ANKRD13D: variants seen among roughly 807,000 people sequenced by gnomAD.
The protein encoded by ANKRD13D is ankyrin repeat domain-containing protein 13D.
Under a neutral mutation model 68.8 loss-of-function variants are expected in ANKRD13D, and 24 were observed. The observed-to-expected ratio is 0.35, with a 90% CI of 0.25 to 0.49. The LOEUF (loss-of-function observed/expected upper bound fraction) is 0.49, where lower values mean the gene tolerates loss of function less well. Ranked by LOEUF, ANKRD13D falls within the 20% of genes least tolerant of loss-of-function variation. The probability of loss-of-function intolerance (pLI) is 0.99; values close to 1 mark genes in which losing one functional copy is unlikely to be tolerated. For missense variants in ANKRD13D, 735 were observed against 832.1 expected, an observed-to-expected ratio of 0.88 and a Z score of 1.44; for synonymous variants, 331 against 336.1, an observed-to-expected ratio of 0.98 and a Z score of 0.16.
rs1463543562 is a variant in ANKRD13D at position 67,301,867 on chromosome 11, C to G, written c.1604+44C>G. 2 of 1,537,380 alleles carry G rather than the reference C, an allele frequency of 1.3e-6. No homozygotes were observed. The highest frequency in any genetic ancestry group is 1.8e-6 in the Non-Finnish European group (2 of 1,139,608). ...TGGCTGGGTCCCTGTCCCCCCAGCC[C>G]TGGCTTGGCGGGGAGGGGGATAGCA... is the stretch of plus-strand genomic sequence containing the variant. On this transcript the variant is annotated intron_variant, in intron 14 of 14. Coordinates refer to ENST00000511455, the MANE Select transcript of ANKRD13D (RefSeq NM_207354.3). The surrounding 1 kb of genome is among the most constrained non-coding windows in gnomAD (Gnocchi z 4.5).
chr11:67,299,796 C>T lies in ANKRD13D; in HGVS notation c.881-31C>T, dbSNP rs1860904620. The T allele has an allele frequency of 1.3e-6, 2 of 1,533,892 alleles. No homozygotes were observed. The highest frequency in any genetic ancestry group is 1.4e-5 in the African/African-American group (1 of 72,448). On this transcript the variant is annotated intron_variant, in intron 8 of 14. Coordinates refer to ENST00000511455, the MANE Select transcript of ANKRD13D (RefSeq NM_207354.3). This position sits in a 1 kb window ranked among gnomAD's most constrained non-coding sequence, Gnocchi z 6.2. ...GGCAGGGGCGATGCGAGCATTGTGACCCCTTACCAGCTCCCACCCCTTCTC... is the reference window on the plus strand; with the variant it reads ...GGCAGGGGCGATGCGAGCATTGTGATCCCTTACCAGCTCCCACCCCTTCTC...
intron 6 of ANKRD13D, among the ~76,000 whole-genome samples, chr11:67,294,626 C>T (rs1388406754): frequency 2.6e-5 from 4 of 151,730 alleles, no homozygotes; most frequent in Admixed American, 6.6e-5. Context: ...CTGCAACCTC[C>T]ACCTCCTGGG....
intron 6 of ANKRD13D, among the ~76,000 whole-genome samples, chr11:67,294,740 A>G (rs749167372): frequency 7.2e-5 from 11 of 151,960 alleles, no homozygotes; most frequent in Admixed American, 1.3e-4. Context: ...GGATTTCACC[A>G]TGTCGGACCA....
intron 3 of ANKRD13D, 168 bp from the exon 4 acceptor site, chr11:67,291,308 A>C (rs1860530400): frequency 1.4e-6 from 1 of 725,122 alleles, no homozygotes; most frequent in South Asian, 1.9e-5. Context: ...CAGTGAGCCG[A>C]GATTGCACCA....
At chr11:67,298,894 C>A (rs568559913) in intron 6 of ANKRD13D, 164 bp from the exon 7 acceptor site, 30 of 689,610 alleles carry the variant, frequency 4.4e-5, no homozygotes, top group Non-Finnish European at 6.8e-5. Flanking sequence ...AGTGTCCCCC[C>A]CTGTCCAGGC....
Position 67,301,450 on chromosome 11 carries a change from C to T in ANKRD13D, c.1349-38C>T. ...CTGCACAGCTTTCTGGTCACCAAGC[C>T]CCGCGGGTTGAGCGTGGCCCCTCTG... On this transcript the variant is annotated intron_variant, in intron 12 of 14. Transcript: ENST00000511455. This position sits in a 1 kb window ranked among gnomAD's most constrained non-coding sequence, Gnocchi z 4.5. The T allele has an allele frequency of 1.3e-5, 21 of 1,607,868 alleles. No homozygotes were observed. Among genetic ancestry groups the T allele is most frequent in the Non-Finnish European group, 1.8e-5 (21 of 1,176,412 alleles).
At chr11:67,297,719 G>A (rs1860813488) in intron 6 of ANKRD13D, among the ~76,000 whole-genome samples, 1 of 150,488 alleles carries the variant, frequency 6.6e-6, no homozygotes. Flanking sequence ...TGGAGATGGG[G>A]TTTCACTGTG....
In ANKRD13D at chr11:67,299,193, TC is replaced by T. The variant is rs1340172302; in HGVS notation, c.798+71del. ...TCCAGGAACTCAGCTCCTCTCCACA[TC>T]CATCCCAGAGTAGCCCCTGGGCTCT... On this transcript the variant is annotated intron_variant, in intron 7 of 14. Coordinates refer to ENST00000511455, the MANE Select transcript of ANKRD13D (RefSeq NM_207354.3). This position sits in a 1 kb window ranked among gnomAD's most constrained non-coding sequence, Gnocchi z 6.2. The T allele has an allele frequency of 2.0e-5, 31 of 1,568,308 alleles. No individual in the cohort carries two copies. The highest frequency in any genetic ancestry group is 1.8e-4 in the Middle Eastern group (1 of 5,684).
chr11:67,296,533 T>C (rs1323491213), intron 6 of ANKRD13D, among the ~76,000 whole-genome samples: 1 of 152,244 alleles, frequency 6.6e-6, no homozygotes, highest in Admixed American at 6.5e-5. Flanking sequence ...ACAGCTATCA[T>C]TGTATCCTTT....
At chr11:67,296,795 C>T (rs575632197) in intron 6 of ANKRD13D, among the ~76,000 whole-genome samples, 1 of 151,834 alleles carries the variant, frequency 6.6e-6, no homozygotes, top group Admixed American at 6.6e-5. Flanking sequence ...AGCTAATTTT[C>T]TTTTTTTGTA....
At chr11:67,292,510 G>A (rs916488907) in intron 6 of ANKRD13D, among the ~76,000 whole-genome samples, 5 of 151,842 alleles carry the variant, frequency 3.3e-5, no homozygotes, top group Admixed American at 6.6e-5. Flanking sequence ...TCATTGGTGC[G>A]GCTGTGTTGG....
chr11:67,292,058 C>T lies in ANKRD13D; in HGVS notation c.609C>T (p.Leu203=), dbSNP rs1860581034. Residue 203 remains leucine (L), a synonymous_variant, in exon 6 of 15, where the codon CTC becomes CTT. Transcript: ENST00000511455. The part of the protein sequence containing the change: ...RQVVHVETLG[L]TLQEPETLLA... Reference sequence around the variant, plus strand: ...TGGTGCATGTGGAGACACTGGGGCTCACTCTGCAGGAGCCCGAAACACTGC... The same window carrying T: ...TGGTGCATGTGGAGACACTGGGGCTTACTCTGCAGGAGCCCGAAACACTGC... 5 of 1,608,264 alleles carry T rather than the reference C, an allele frequency of 3.1e-6. No individual in the cohort carries two copies. In the East Asian group the frequency reaches 6.7e-5, roughly 22 times the overall value.
chr11:67,290,618 G>A (rs1250351925), intron 3 of ANKRD13D, 172 bp downstream of exon 3: 17 of 1,080,982 alleles, frequency 1.6e-5, no homozygotes, highest in Middle Eastern at 3.2e-4. Flanking sequence ...AAAGAGAGAC[G>A]GCCAGGCTCA....
intron 1 of ANKRD13D, 67 bp downstream of exon 1, chr11:67,289,617 T>TGGGGGGGGGGGGGGGGGGGGG: frequency 3.6e-6 from 4 of 1,125,060 alleles, no homozygotes; most frequent in Non-Finnish European, 2.2e-6. Context: ...GCCTCCGTCC[T>TGGGGGGGGGGGGGGGGGGGGG]GGAGCCCCCC....
Position 67,301,020 on chromosome 11 carries a change from G to A in ANKRD13D, c.1104G>A (p.Glu368=). The A allele has an allele frequency of 3.1e-6, 5 of 1,613,896 alleles. No homozygotes were observed. Among genetic ancestry groups the A allele is most frequent in the Non-Finnish European group, 4.2e-6 (5 of 1,180,028 alleles). The change falls in exon 11 of 15, where the codon GAG becomes GAA. Residue 368 remains glutamate, a synonymous_variant. Transcript: ENST00000511455. This position sits in a 1 kb window ranked among gnomAD's most constrained non-coding sequence, Gnocchi z 4.5. ...AGGCAACACTGTGGCTGAGTGAAGAGCACCCGCTCTCCCTGGGTGACCAGG... is the reference window on the plus strand; with the variant it reads ...AGGCAACACTGTGGCTGAGTGAAGAACACCCGCTCTCCCTGGGTGACCAGG... ...RFKATLWLSE[E]HPLSLGDQVT...
Position 67,292,135 on chromosome 11 carries a change from C to T in ANKRD13D, c.686C>T (p.Pro229Leu). Residue 229 changes from proline (P) to leucine (L), a missense_variant, in exon 6 of 15, where the codon CCT (proline) becomes CTT (leucine). By Grantham distance (98) the Pro-to-Leu change is moderately conservative. Coordinates refer to ENST00000511455, the MANE Select transcript of ANKRD13D (RefSeq NM_207354.3). ...EEHVASRLTS[P>L]IVSTHLDTRN... is the part of the protein sequence containing the mutation. ...CATGTGGCCAGTCGCCTCACCTCTCCTATCGTCTCCACCCACCTGGACACT... is the reference window on the plus strand; with the variant it reads ...CATGTGGCCAGTCGCCTCACCTCTCTTATCGTCTCCACCCACCTGGACACT... The T allele has an allele frequency of 1.2e-6, 2 of 1,610,542 alleles. No individual in the cohort carries two copies. Among genetic ancestry groups the T allele is most frequent in the Non-Finnish European group, 1.7e-6 (2 of 1,177,214 alleles).
In ANKRD13D at chr11:67,301,080, C is replaced by T. The variant is rs148986056; in HGVS notation, c.1164C>T (p.Asn388=). The T allele has an allele frequency of 4.2e-5, 67 of 1,614,086 alleles. No homozygotes were observed. The highest frequency in any genetic ancestry group is 2.8e-4 in the African/African-American group (21 of 75,036). ...TPIIDLMAIS[N]AHFAKLRDFI... The stretch of plus-strand genomic sequence containing the variant: ...TCATCGACCTAATGGCCATCAGCAA[C>T]GCTCACTTTGCCAAGCTGCGCGACT... Residue 388 remains asparagine (N), a synonymous_variant, in exon 11 of 15, where the codon AAC becomes AAT. Transcript: ENST00000511455. The surrounding 1 kb of genome is among the most constrained non-coding windows in gnomAD (Gnocchi z 4.5).
chr11:67,299,351 C>G lies in ANKRD13D; in HGVS notation c.799-179C>G. On this transcript the variant is annotated intron_variant, in intron 7 of 14. Transcript: ENST00000511455. The surrounding 1 kb of genome is among the most constrained non-coding windows in gnomAD (Gnocchi z 6.2). The stretch of plus-strand genomic sequence containing the variant: ...AAAAGAGGAGTGTGTTCCTCTTGAC[C>G]CTGGGGCTGCATCTCCTCGTTGGTG... 1 of 708,294 alleles carries G rather than the reference C, an allele frequency of 1.4e-6. No homozygotes were observed. Among genetic ancestry groups the G allele is most frequent in the Non-Finnish European group, 2.4e-6 (1 of 422,258 alleles). The allele number at this position is 708,294 out of a possible 1,614,324, so 43.9% of individuals were successfully genotyped here.
chr11:67,292,027 G>A lies in ANKRD13D; in HGVS notation c.578G>A (p.Arg193Gln), dbSNP rs371802130. The A allele has an allele frequency of 2.2e-5, 35 of 1,592,762 alleles. No individual in the cohort carries two copies. The highest frequency in any genetic ancestry group is 1.2e-4 in the African/African-American group (9 of 74,450). ...GALVMEVDHD[R>Q]QVVHVETLGL... ...CTGGTGATGGAAGTGGACCATGACC[G>A]GCAGGTGGTGCATGTGGAGACACTG... Residue 193 changes from arginine to glutamine, a missense_variant, in exon 6 of 15, where the codon CGG (arginine) becomes CAG (glutamine). Transcript: ENST00000511455.
Sources: gnomAD v4.1 joint callset for allele counts (sites outside exome capture counted in the v4.1 genomes callset) on GRCh38, gnomAD v4.1.1 for gene constraint, Gnocchi (gnomAD v3.1) non-coding constraint, MANE v1.5 for transcripts, NCBI Gene and HGNC (gene_info 2026-07-23, HGNC 2026-07-21) for gene names.